Variants in KCNJ3 observed in about 807,000 individuals in gnomAD.
The protein encoded by KCNJ3 is G protein-activated inward rectifier potassium channel 1.
A neutral mutation model predicts 39.2 loss-of-function variants in KCNJ3; 4 were observed. That is an observed-to-expected ratio of 0.10 (90% CI 0.05 to 0.23). The LOEUF (loss-of-function observed/expected upper bound fraction) is 0.23, where lower values mean the gene tolerates loss of function less well. KCNJ3 is among the 10% of genes least tolerant of loss of function. The pLI, the probability that KCNJ3 is intolerant of heterozygous loss-of-function variation, is 1.00. For synonymous variants in KCNJ3, 230 were observed against 237.4 expected, an observed-to-expected ratio of 0.97 and a Z score of 0.29; for missense variants, 276 against 634.9, an observed-to-expected ratio of 0.43 and a Z score of 6.08.
At chr2:154,712,530 G>C (rs750665307) in intron 2 of KCNJ3, among the ~76,000 whole-genome samples, 1 of 152,134 alleles carries the variant, frequency 6.6e-6, no homozygotes, top group Non-Finnish European at 1.5e-5. Flanking sequence ...TATTAGATAA[G>C]TATGTATCGA....
chr2:154,745,727 G>A (rs1486022234), intron 2 of KCNJ3, among the ~76,000 whole-genome samples: 1 of 151,822 alleles, frequency 6.6e-6, no homozygotes, highest in Non-Finnish European at 1.5e-5. Context: ...ATGGTTCTTG[G>A]AATAACTAGA....
intron 2 of KCNJ3, among the ~76,000 whole-genome samples, chr2:154,777,686 T>A (rs1686362982): frequency 6.6e-6 from 1 of 152,192 alleles, no homozygotes; most frequent in Non-Finnish European, 1.5e-5. Context: ...ATTTTGGGAA[T>A]GTTTTAATTT....
At chr2:154,754,620 T>C (rs1431401446) in intron 2 of KCNJ3, among the ~76,000 whole-genome samples, 2 of 152,174 alleles carry the variant, frequency 1.3e-5, no homozygotes, top group African/African-American at 4.8e-5. Context: ...ATAATATCCT[T>C]TTTATATCTT....
intron 2 of KCNJ3, among the ~76,000 whole-genome samples, chr2:154,776,063 G>A (rs1686328387): frequency 6.6e-6 from 1 of 150,526 alleles, no homozygotes; most frequent in African/African-American, 2.4e-5. Flanking sequence ...GTGTAGTGGT[G>A]CAATCTCGGC....
intron 2 of KCNJ3, among the ~76,000 whole-genome samples, chr2:154,836,134 C>T (rs1687456753): frequency 1.3e-5 from 2 of 150,086 alleles, no homozygotes; most frequent in African/African-American, 4.9e-5. Flanking sequence ...CACTTGAACT[C>T]AGGAGGCGGA....
At chr2:154,730,907 C>T (rs1685438277) in intron 2 of KCNJ3, among the ~76,000 whole-genome samples, 1 of 151,934 alleles carries the variant, frequency 6.6e-6, no homozygotes, top group Non-Finnish European at 1.5e-5. Context: ...TGAAATAAAC[C>T]TACCAAAAAT....
intron 2 of KCNJ3, among the ~76,000 whole-genome samples, chr2:154,779,311 T>C (rs1239254596): frequency 1.3e-5 from 2 of 151,574 alleles, no homozygotes; most frequent in Non-Finnish European, 2.9e-5. Flanking sequence ...CATGAGATGG[T>C]GCTTAGGAAC....
At chr2:154,854,635 A>G (rs2105142892) in intron 2 of KCNJ3, 92 bp from the exon 3 acceptor site, 1 of 881,714 alleles carries the variant, frequency 1.1e-6, no homozygotes, top group Admixed American at 2.4e-5. Context: ...CAAAACCTAG[A>G]TAAGAAAGTG....
chr2:154,808,656 AC>A (rs1686958401), intron 2 of KCNJ3, among the ~76,000 whole-genome samples: 2 of 152,266 alleles, frequency 1.3e-5, no homozygotes, highest in Admixed American at 6.5e-5. Flanking sequence ...TTGCATCATG[AC>A]CAAAAAATGC....
At chr2:154,853,043 A>T (rs893778220) in intron 2 of KCNJ3, among the ~76,000 whole-genome samples, 10 of 152,050 alleles carry the variant, frequency 6.6e-5, no homozygotes, top group Admixed American at 2.0e-4. Context: ...TCTGTGCTCA[A>T]GAAAGGTCAA....
intron 2 of KCNJ3, among the ~76,000 whole-genome samples, chr2:154,831,782 T>C (rs965618092): frequency 1.3e-5 from 2 of 152,220 alleles, no homozygotes; most frequent in African/African-American, 4.8e-5. Context: ...TACAGCACTT[T>C]GCAGGAGCAC....
chr2:154,857,745 G>A lies in KCNJ3; in HGVS notation c.*2432G>A, dbSNP rs1210704505. On this transcript the variant is annotated 3_prime_UTR_variant, in exon 3 of 3. Transcript: ENST00000295101. The stretch of plus-strand genomic sequence containing the variant: ...AAAATACAAAAATTAACTGGGCATG[G>A]TGGCAGGCACCTGTAATCCCAGCTA... The A allele has an allele frequency of 6.6e-6, 1 of 151,620 alleles. No individual in the cohort carries two copies. The highest frequency in any genetic ancestry group is 1.5e-5 in the Non-Finnish European group (1 of 68,036). The allele number at this position is 151,620 out of a possible 1,614,324, so 9.4% of individuals were successfully genotyped here. A position where few individuals can be genotyped will look rare whatever the true frequency, so the allele number is the denominator to read the frequency against.
chr2:154,749,729 G>A (rs1685806215), intron 2 of KCNJ3, among the ~76,000 whole-genome samples: 1 of 152,014 alleles, frequency 6.6e-6, no homozygotes, highest in African/African-American at 2.4e-5. Flanking sequence ...GAGTCGTAGT[G>A]AGTGCATATA....
At chr2:154,746,624 A>G (rs1191396722) in intron 2 of KCNJ3, among the ~76,000 whole-genome samples, 1 of 128,958 alleles carries the variant, frequency 7.8e-6, no homozygotes, top group Non-Finnish European at 1.6e-5. Context: ...ATATATATAT[A>G]TATATATGTA....
chr2:154,847,709 A>G (rs1304574895), intron 2 of KCNJ3, among the ~76,000 whole-genome samples: 1 of 152,184 alleles, frequency 6.6e-6, no homozygotes, highest in East Asian at 1.9e-4. Context: ...TATGTCACTT[A>G]ATTTCATTTA....
chr2:154,732,602 G>T (rs372392354), intron 2 of KCNJ3, among the ~76,000 whole-genome samples: 14 of 152,128 alleles, frequency 9.2e-5, no homozygotes, highest in African/African-American at 3.1e-4. Flanking sequence ...TGCTAGTATA[G>T]CAATAGTGTA....
intron 2 of KCNJ3, among the ~76,000 whole-genome samples, chr2:154,806,354 A>T (rs1686910984): frequency 6.6e-6 from 1 of 152,188 alleles, no homozygotes; most frequent in Non-Finnish European, 1.5e-5. Flanking sequence ...TTACACAAGC[A>T]GTGGGTTTGC....
chr2:154,832,687 A>T (rs1052848504), intron 2 of KCNJ3, among the ~76,000 whole-genome samples: 3 of 144,444 alleles, frequency 2.1e-5, no homozygotes, highest in Non-Finnish European at 4.6e-5. Flanking sequence ...AATGGAGCTT[A>T]TAGAGTGTAT....
intron 2 of KCNJ3, among the ~76,000 whole-genome samples, chr2:154,796,456 A>G (rs115753391): frequency 0.017 from 2,529 of 152,186 alleles, 45 homozygotes; most frequent in African/African-American, 0.049. Flanking sequence ...TTTGCTTTGT[A>G]TCTTTTAAAC....
Sources: allele counts gnomAD v4.1 joint callset (sites outside exome capture counted in the v4.1 genomes callset), GRCh38; gene constraint gnomAD v4.1.1; transcripts MANE v1.5; gene names NCBI Gene and HGNC (gene_info 2026-07-23, HGNC 2026-07-21).